Variants in ARFIP1 observed in about 807,000 individuals in gnomAD.
The protein encoded by ARFIP1 is ARF interacting protein 1, also known as arfaptin-1.
A neutral mutation model predicts 42.5 loss-of-function variants in ARFIP1; 24 were observed. The ratio of observed to expected loss-of-function variants is 0.57; its 90% CI spans 0.41 to 0.80. ARFIP1 has a LOEUF of 0.80. Ranked by LOEUF, ARFIP1 falls within the 30% of genes least tolerant of loss-of-function variation. The probability of loss-of-function intolerance (pLI) is 0.00; values close to 1 mark genes in which losing one functional copy is unlikely to be tolerated. For missense variants in ARFIP1, 354 were observed against 434.0 expected, an observed-to-expected ratio of 0.82 and a Z score of 1.64; for synonymous variants, 141 against 153.7, an observed-to-expected ratio of 0.92 and a Z score of 0.61.
At chr4:152,901,726 T>G (rs530004870) in intron 8 of ARFIP1, among the ~76,000 whole-genome samples, 111 of 152,330 alleles carry the variant, frequency 7.3e-4, no homozygotes, top group African/African-American at 2.5e-3. Flanking sequence ...ATTTCTAACT[T>G]AGGACATAAA....
intron 2 of ARFIP1, among the ~76,000 whole-genome samples, chr4:152,851,951 C>G (rs1456993655): frequency 6.6e-6 from 1 of 152,042 alleles, no homozygotes; most frequent in Non-Finnish European, 1.5e-5. Flanking sequence ...ACAAATATTA[C>G]TTTGTATTCT....
intron 3 of ARFIP1, among the ~76,000 whole-genome samples, chr4:152,868,547 C>T (rs1354890396): frequency 6.6e-6 from 1 of 152,150 alleles, no homozygotes; most frequent in Non-Finnish European, 1.5e-5. Flanking sequence ...GTTACAGCCA[C>T]ACTACATCAT....
At chr4:152,891,874 A>ATT (rs111902405) in intron 8 of ARFIP1, among the ~76,000 whole-genome samples, 1 of 145,476 alleles carries the variant, frequency 6.9e-6, no homozygotes, top group African/African-American at 2.5e-5. Flanking sequence ...TGCCCAGTTA[A>ATT]TTTTTTTTTT....
At chr4:152,889,235 T>A (rs1301428165) in intron 8 of ARFIP1, among the ~76,000 whole-genome samples, 1 of 152,062 alleles carries the variant, frequency 6.6e-6, no homozygotes, top group East Asian at 1.9e-4. Flanking sequence ...TATTGTTTTC[T>A]TTAACATTTC....
intron 1 of ARFIP1, among the ~76,000 whole-genome samples, chr4:152,781,300 A>G (rs1730481392): frequency 7.1e-6 from 1 of 141,686 alleles, no homozygotes; most frequent in Admixed American, 7.6e-5. Flanking sequence ...CATTGGCACG[A>G]TCTCGGCTCA....
At chr4:152,848,536 A>C (rs1385383151) in intron 2 of ARFIP1, among the ~76,000 whole-genome samples, 1 of 152,166 alleles carries the variant, frequency 6.6e-6, no homozygotes. Context: ...TCGTTTCTTC[A>C]TTCCCTTGTA....
intron 3 of ARFIP1, among the ~76,000 whole-genome samples, chr4:152,870,329 C>T (rs1734773516): frequency 6.6e-6 from 1 of 152,112 alleles, no homozygotes; most frequent in Non-Finnish European, 1.5e-5. Context: ...TTTTAATATC[C>T]CTTACATGCC....
At chr4:152,899,820 T>A (rs553108056) in intron 8 of ARFIP1, among the ~76,000 whole-genome samples, 59 of 152,254 alleles carry the variant, frequency 3.9e-4, no homozygotes, top group Admixed American at 5.2e-4. Context: ...ATAAGGATTT[T>A]TATATATATA....
At chr4:152,796,974 A>G (rs1003891197) in intron 1 of ARFIP1, 2 of 237,724 alleles carry the variant, frequency 8.4e-6, no homozygotes, top group Non-Finnish European at 1.6e-5. Context: ...CTTTGCATGT[A>G]CTATGTGTGT....
At chr4:152,883,031 C>A in intron 7 of ARFIP1, 151 bp downstream of exon 7, 3 of 773,166 alleles carry the variant, frequency 3.9e-6, no homozygotes, top group Non-Finnish European at 5.9e-6. Context: ...ACAGACCTGG[C>A]AGAAAGGGAG....
intron 8 of ARFIP1, among the ~76,000 whole-genome samples, chr4:152,895,932 G>A (rs1156785708): frequency 3.3e-5 from 5 of 152,090 alleles, no homozygotes; most frequent in Non-Finnish European, 5.9e-5. Flanking sequence ...CACTCATAGA[G>A]CTTATAGTCA....
chr4:152,819,112 A>G (rs1730146886), intron 1 of ARFIP1, among the ~76,000 whole-genome samples: 1 of 151,956 alleles, frequency 6.6e-6, no homozygotes, highest in South Asian at 2.1e-4. Context: ...GCAGCAGAGT[A>G]CCTCCCCTGG....
At chr4:152,871,808 C>G (rs1578978504) in intron 4 of ARFIP1, among the ~76,000 whole-genome samples, 1 of 152,150 alleles carries the variant, frequency 6.6e-6, no homozygotes, top group Middle Eastern at 3.4e-3. Flanking sequence ...GGAATTTACA[C>G]TGCTTCTTTA....
intron 3 of ARFIP1, among the ~76,000 whole-genome samples, chr4:152,866,447 G>A (rs1490689927): frequency 6.6e-6 from 1 of 151,932 alleles, no homozygotes; most frequent in Non-Finnish European, 1.5e-5. Context: ...AGGGGCGGCC[G>A]GGCAGAGGCG....
chr4:152,819,986 C>T (rs555212431), intron 1 of ARFIP1, among the ~76,000 whole-genome samples: 4 of 152,250 alleles, frequency 2.6e-5, no homozygotes, highest in South Asian at 4.1e-4. Context: ...GGAGTCACAA[C>T]TCTTCTGTAT....
intron 1 of ARFIP1, among the ~76,000 whole-genome samples, chr4:152,812,726 A>C (rs1339820208): frequency 6.6e-6 from 1 of 152,226 alleles, no homozygotes; most frequent in Middle Eastern, 3.2e-3. Flanking sequence ...CAAGCCAAAT[A>C]AACCTCTTGC....
At chr4:152,863,802 T>G (rs1277293850) in intron 3 of ARFIP1, 88 bp downstream of exon 3, 1 of 766,696 alleles carries the variant, frequency 1.3e-6, no homozygotes, top group Non-Finnish European at 2.2e-6. Context: ...AGCACAAGAA[T>G]GGAGCCCTTT....
At chr4:152,899,137 C>T (rs994998816) in intron 8 of ARFIP1, among the ~76,000 whole-genome samples, 5 of 152,174 alleles carry the variant, frequency 3.3e-5, no homozygotes, top group African/African-American at 1.2e-4. Flanking sequence ...CCCTCCACCC[C>T]CTCCAACATC....
At chr4:152,833,873 G>C (rs937908509) in intron 2 of ARFIP1, among the ~76,000 whole-genome samples, 1 of 152,170 alleles carries the variant, frequency 6.6e-6, no homozygotes, top group African/African-American at 2.4e-5. Context: ...TAGGGAGTAT[G>C]TTAGTCTGTT....
Sources: allele counts gnomAD v4.1 joint callset (sites outside exome capture counted in the v4.1 genomes callset), GRCh38; gene constraint gnomAD v4.1.1; transcripts MANE v1.5; gene names NCBI Gene and HGNC (gene_info 2026-07-23, HGNC 2026-07-21).